Variants in CEP162 observed in about 807,000 individuals in gnomAD.
CEP162 encodes the protein centrosomal protein of 162 kDa.
Under a neutral mutation model 169.2 loss-of-function variants are expected in CEP162, and 141 were observed. The ratio of observed to expected loss-of-function variants is 0.83; its 90% CI spans 0.73 to 0.96. The LOEUF (loss-of-function observed/expected upper bound fraction) is 0.96, where lower values mean the gene tolerates loss of function less well. Among genes scored for constraint, CEP162 ranks in the 40% least tolerant of loss-of-function variants. CEP162 has a pLI of 0.00. For synonymous variants in CEP162, 540 were observed against 526.4 expected, an observed-to-expected ratio of 1.03 and a Z score of -0.35; for missense variants, 1,600 against 1,587.2, an observed-to-expected ratio of 1.01 and a Z score of -0.14.
At chr6:84,156,743 G>GACACACACACACAC (rs71736099) in intron 21 of CEP162, among the ~76,000 whole-genome samples, 2,770 of 125,614 alleles carry the variant, frequency 0.022, 47 homozygotes, top group Middle Eastern at 0.037. Context: ...GTATCAAAAA[G>GACACACACACACAC]ACACACACAC....
intron 24 of CEP162, among the ~76,000 whole-genome samples, chr6:84,148,957 C>G (rs2099520095): frequency 6.6e-6 from 1 of 152,054 alleles, no homozygotes; most frequent in Non-Finnish European, 1.5e-5. Context: ...CATAGATATT[C>G]TAAGTAGATA....
chr6:84,126,595 A>T, intron 25 of CEP162, 83 bp from the exon 26 acceptor site: 1 of 1,039,470 alleles, frequency 9.6e-7, no homozygotes, highest in Non-Finnish European at 1.3e-6. Context: ...TATTTGTATA[A>T]AATTTCTCTA....
chr6:84,165,728 A>G (rs1353213302), intron 18 of CEP162, among the ~76,000 whole-genome samples: 1 of 152,168 alleles, frequency 6.6e-6, no homozygotes, highest in East Asian at 1.9e-4. Context: ...AAGTTTCAAA[A>G]TGACAAGTTC....
chr6:84,216,922 C>A (rs2099551790), intron 3 of CEP162, among the ~76,000 whole-genome samples: 2 of 152,062 alleles, frequency 1.3e-5, no homozygotes, highest in African/African-American at 4.8e-5. Flanking sequence ...TAAAAAGTTT[C>A]AAAAATGTTC....
intron 19 of CEP162, among the ~76,000 whole-genome samples, chr6:84,162,142 G>T (rs752868599): frequency 6.6e-6 from 1 of 152,024 alleles, no homozygotes; most frequent in Non-Finnish European, 1.5e-5. Context: ...AGCAAAGTTG[G>T]CTATGTAGAA....
At chr6:84,158,976 A>G (rs1306625177) in intron 21 of CEP162, among the ~76,000 whole-genome samples, 1 of 151,714 alleles carries the variant, frequency 6.6e-6, no homozygotes, top group African/African-American at 2.4e-5. Flanking sequence ...TAAATAAAAA[A>G]AGCACAAACA....
intron 6 of CEP162, among the ~76,000 whole-genome samples, chr6:84,205,544 A>G (rs2099546551): frequency 2.6e-5 from 4 of 152,216 alleles, no homozygotes. Flanking sequence ...AACTCTTAAT[A>G]AACTAGGTAT....
chr6:84,205,206 C>A (rs1343509163), intron 6 of CEP162, among the ~76,000 whole-genome samples: 1 of 152,180 alleles, frequency 6.6e-6, no homozygotes, highest in Non-Finnish European at 1.5e-5. Flanking sequence ...AAGAGGGAAT[C>A]CTCCCTAACT....
chr6:84,215,867 A>G lies in CEP162; in HGVS notation c.228T>C (p.Val76=), dbSNP rs2099551353. Residue 76 remains valine (V), a synonymous_variant, in exon 4 of 27, where the codon GTT becomes GTC. Coordinates refer to ENST00000403245, the MANE Select transcript of CEP162 (RefSeq NM_014895.4). ...CAGCAGACTCCTCTTCTATTTCCAT[A>G]ACAGGCTGAGAAGTCTTCTTTGTTT... ...YLKTKKTSQP[V]MEIEEESAEK... 1 of 1,581,610 alleles carries G rather than the reference A, an allele frequency of 6.3e-7. No homozygotes were observed. The highest frequency in any genetic ancestry group is 1.2e-5 in the South Asian group (1 of 86,600).
chr6:84,195,487 C>G (rs1349386872), intron 9 of CEP162, among the ~76,000 whole-genome samples: 1 of 152,224 alleles, frequency 6.6e-6, no homozygotes, highest in Non-Finnish European at 1.5e-5. Flanking sequence ...ATTCACTCCT[C>G]CAACTTTGCA....
intron 6 of CEP162, among the ~76,000 whole-genome samples, chr6:84,208,801 T>A (rs929093371): frequency 6.6e-6 from 1 of 152,248 alleles, no homozygotes; most frequent in Non-Finnish European, 1.5e-5. Flanking sequence ...TCAGTAGACA[T>A]ATAGTTAAAA....
At chr6:84,193,554 G>T in intron 11 of CEP162, 55 bp downstream of exon 11, 1 of 1,065,864 alleles carries the variant, frequency 9.4e-7, no homozygotes, top group Non-Finnish European at 1.4e-6. Flanking sequence ...TGATTACATA[G>T]AACAAATGAC....
chr6:84,153,622 A>G (rs2099521946), intron 22 of CEP162, among the ~76,000 whole-genome samples: 1 of 152,166 alleles, frequency 6.6e-6, no homozygotes, highest in Non-Finnish European at 1.5e-5. Context: ...TAGAGAGTAA[A>G]ATGGCCTGGA....
chr6:84,175,218 T>G lies in CEP162; in HGVS notation c.1793A>C (p.Gln598Pro), dbSNP rs1169975728. The change falls in exon 14 of 27, where the codon CAG (glutamine) becomes CCG (proline). Residue 598 changes from glutamine to proline, a missense_variant. By Grantham distance (76) the Gln-to-Pro change is moderately conservative. Transcript: ENST00000403245. ...TTATTAATTTTGAATACCTACAGTC[T>G]GAAACTGAATACAGGAATCAGTTTC... is the stretch of plus-strand genomic sequence containing the variant. The part of the protein sequence containing the change: ...PTETDSCIQF[Q>P]TDSLGYCGEN... 2 of 1,530,620 alleles carry G rather than the reference T, an allele frequency of 1.3e-6. No homozygotes were observed. The highest frequency in any genetic ancestry group is 1.8e-6 in the Non-Finnish European group (2 of 1,135,142). The allele number at this position is 1,530,620 out of a possible 1,614,324, so 94.8% of individuals were successfully genotyped here.
chr6:84,165,156 C>A (rs568392975), intron 18 of CEP162, among the ~76,000 whole-genome samples: 2 of 151,882 alleles, frequency 1.3e-5, no homozygotes, highest in Non-Finnish European at 1.5e-5. Flanking sequence ...CATGAAGCCC[C>A]AGAAGGCCTT....
rs534758878 is a variant in CEP162, at chr6:84,220,945, A to G, written c.172+112T>C. On this transcript the variant is annotated intron_variant, in intron 3 of 26. Coordinates refer to ENST00000403245, the MANE Select transcript of CEP162 (RefSeq NM_014895.4). ...AAATCAATTCAAACTTCAAAAATCC[A>G]CACTATTAGTATTATTTTCTGTATA... The G allele has an allele frequency of 2.3e-4, 126 of 537,308 alleles. 4 individuals carry two copies. In the South Asian group the frequency reaches 3.8e-3, roughly 16 times the overall value. 33.3% of individuals were successfully genotyped at this position (537,308 alleles called of 1,614,324 possible).
At chr6:84,198,260 A>ATATTT (rs1273649699) in intron 9 of CEP162, among the ~76,000 whole-genome samples, 16 of 152,032 alleles carry the variant, frequency 1.1e-4, no homozygotes, top group Non-Finnish European at 1.3e-4. Context: ...TTTCAAGTAT[A>ATATTT]TATTTTATTT....
chr6:84,221,306 C>A, intron 2 of CEP162, 135 bp from the exon 3 acceptor site: 1 of 470,822 alleles, frequency 2.1e-6, no homozygotes, highest in Non-Finnish European at 3.8e-6. Context: ...TCATCAATAA[C>A]GTATAATTTC....
intron 25 of CEP162, among the ~76,000 whole-genome samples, chr6:84,137,180 G>A (rs1352921637): frequency 1.3e-5 from 2 of 152,210 alleles, no homozygotes; most frequent in Non-Finnish European, 2.9e-5. Flanking sequence ...ATGAACTGCT[G>A]TGAGAATGAC....
Sources: allele counts gnomAD v4.1 joint callset (sites outside exome capture counted in the v4.1 genomes callset), GRCh38; gene constraint gnomAD v4.1.1; transcripts MANE v1.5; gene names NCBI Gene and HGNC (gene_info 2026-07-23, HGNC 2026-07-21).